Variants in CA10 observed in about 807,000 individuals in gnomAD.
The protein encoded by CA10 is carbonic anhydrase-related protein 10.
CA10 carries 14 observed loss-of-function variants against 44.2 expected under a neutral mutation model. The observed-to-expected ratio is 0.32, with a 90% CI of 0.21 to 0.50. The LOEUF is 0.50. CA10 is among the 20% of genes least tolerant of loss of function. CA10 has a pLI of 0.99. For missense variants in CA10, 350 were observed against 409.7 expected (o/e 0.85, Z 1.26); for synonymous variants, 159 against 141.6 (o/e 1.12, Z -0.87).
At chr17:52,135,525 T>G (rs1179785655) in intron 1 of CA10, among the ~76,000 whole-genome samples, 1 of 152,114 alleles carries the variant, frequency 6.6e-6, no homozygotes, top group Non-Finnish European at 1.5e-5. Context: ...TATTCATGAC[T>G]CCTCCTATAG....
intron 1 of CA10, among the ~76,000 whole-genome samples, chr17:52,142,951 T>G (rs925681989): frequency 6.6e-6 from 1 of 152,340 alleles, no homozygotes; most frequent in Non-Finnish European, 1.5e-5. Context: ...TAAACATATT[T>G]CTGCATTTTA....
intron 2 of CA10, among the ~76,000 whole-genome samples, chr17:51,956,413 T>G (rs1598138514): frequency 6.6e-6 from 1 of 152,242 alleles, no homozygotes; most frequent in African/African-American, 2.4e-5. Flanking sequence ...GCTGTACATA[T>G]TTTGATTTTC....
intron 2 of CA10, among the ~76,000 whole-genome samples, chr17:51,936,811 A>T (rs2144007348): frequency 6.6e-6 from 1 of 152,302 alleles, no homozygotes; most frequent in East Asian, 1.9e-4. Context: ...TCCTTGAAGT[A>T]GTTTGAATGG....
chr17:51,833,173 A>G (rs946922617), intron 3 of CA10, among the ~76,000 whole-genome samples: 12 of 152,138 alleles, frequency 7.9e-5, no homozygotes, highest in African/African-American at 2.9e-4. Flanking sequence ...GAAGTCCTCC[A>G]GGTATCCAGG....
chr17:51,995,340 C>T (rs138622233), intron 2 of CA10, among the ~76,000 whole-genome samples: 24 of 151,960 alleles, frequency 1.6e-4, no homozygotes, highest in African/African-American at 4.1e-4. Context: ...TTGTGCTTCA[C>T]GTACTACAAA....
chr17:52,043,268 GC>G lies in CA10; in HGVS notation c.136+29050del, dbSNP rs1986821332. 1.3e-5 allele frequency among the ~76,000 whole-genome samples: 2 copies of G among 152,118 alleles called. 1 individual carries two copies. The highest frequency in any genetic ancestry group is 3.9e-4 in the East Asian group (2 of 5,140). ...TTCTTCCATCAGCATCTCACAGTTTGCACTATAGATCTTTTATCTCCTTAGT... is the reference window on the plus strand; with the variant it reads ...TTCTTCCATCAGCATCTCACAGTTTGACTATAGATCTTTTATCTCCTTAGT... On this transcript the variant is annotated intron_variant, in intron 2 of 8. Transcript: ENST00000451037.
chr17:51,809,739 C>G (rs1907282324), intron 3 of CA10, among the ~76,000 whole-genome samples: 1 of 152,150 alleles, frequency 6.6e-6, no homozygotes, highest in South Asian at 2.1e-4. Flanking sequence ...ATATTAACAG[C>G]AGGCAGGTGA....
intron 4 of CA10, among the ~76,000 whole-genome samples, chr17:51,740,327 G>A (rs1328863000): frequency 6.6e-6 from 1 of 152,088 alleles, no homozygotes; most frequent in East Asian, 1.9e-4. Flanking sequence ...AGGCACTATG[G>A]CCTATCAGTC....
chr17:52,026,589 G>C (rs1986308155), intron 2 of CA10, among the ~76,000 whole-genome samples: 1 of 152,076 alleles, frequency 6.6e-6, no homozygotes, highest in Admixed American at 6.6e-5. Flanking sequence ...AGCATGGCTG[G>C]GGAGGCCTCA....
At chr17:51,996,836 T>C (rs1985254084) in intron 2 of CA10, among the ~76,000 whole-genome samples, 1 of 151,904 alleles carries the variant, frequency 6.6e-6, no homozygotes, top group African/African-American at 2.4e-5. Context: ...ACCTTGTAAA[T>C]AACAGCTGAG....
chr17:51,983,518 G>A (rs1325450819), intron 2 of CA10, among the ~76,000 whole-genome samples: 1 of 151,490 alleles, frequency 6.6e-6, no homozygotes, highest in African/African-American at 2.4e-5. Context: ...AGAATGGATG[G>A]CAGGTCTTAT....
intron 3 of CA10, among the ~76,000 whole-genome samples, chr17:51,829,757 A>G (rs912140181): frequency 5.9e-5 from 9 of 152,204 alleles, no homozygotes; most frequent in Admixed American, 4.6e-4. Flanking sequence ...TGTTTGCTCA[A>G]TCAAGGACTC....
chr17:51,636,761 A>G (rs1411489794), intron 6 of CA10, among the ~76,000 whole-genome samples: 1 of 143,716 alleles, frequency 7.0e-6, no homozygotes, highest in Non-Finnish European at 1.5e-5. Flanking sequence ...GGTTAAGCTC[A>G]ACAACTGATT....
chr17:52,082,301 A>T (rs1424485947), intron 1 of CA10, among the ~76,000 whole-genome samples: 4 of 152,226 alleles, frequency 2.6e-5, no homozygotes, highest in Non-Finnish European at 5.9e-5. Flanking sequence ...GAATTCAAAG[A>T]AGAGTGTAAC....
intron 3 of CA10, among the ~76,000 whole-genome samples, chr17:51,830,211 A>AG (rs1204444266): frequency 2.2e-3 from 290 of 134,238 alleles, no homozygotes; most frequent in Middle Eastern, 4.0e-3. Flanking sequence ...AAAAAAAAAA[A>AG]AAAAAGAAAA....
intron 4 of CA10, among the ~76,000 whole-genome samples, chr17:51,700,891 G>A (rs558859035): frequency 1.5e-3 from 222 of 152,198 alleles, no homozygotes; most frequent in African/African-American, 5.2e-3. Flanking sequence ...CACAGGGAGG[G>A]AAACCACACA....
intron 1 of CA10, among the ~76,000 whole-genome samples, chr17:52,154,878 C>T (rs1009478107): frequency 1.3e-5 from 2 of 152,160 alleles, no homozygotes; most frequent in African/African-American, 4.8e-5. Flanking sequence ...AGTGCAGAAC[C>T]ACCAAATATG....
In CA10 at chr17:52,105,906, G is replaced by T. The variant is rs1248420415; in HGVS notation, c.62-33513C>A. The stretch of plus-strand genomic sequence containing the variant: ...AGTCATGAGGATTCAATGAAATATT[G>T]CATGAAAAGTGTTTAGTAGAGCCCT... On this transcript the variant is annotated intron_variant, in intron 1 of 8. Transcript: ENST00000451037. 3.9e-5 allele frequency among the ~76,000 whole-genome samples: 6 copies of T among 152,174 alleles called. No individual in the cohort carries two copies. In the South Asian group the frequency reaches 1.0e-3, roughly 26 times the overall value.
At chr17:51,821,445 A>T (rs767859019) in intron 3 of CA10, among the ~76,000 whole-genome samples, 1 of 151,886 alleles carries the variant, frequency 6.6e-6, no homozygotes, top group Non-Finnish European at 1.5e-5. Context: ...CTTTACTCTC[A>T]AATACATCAT....
Sources: gnomAD v4.1 joint callset for allele counts (sites outside exome capture counted in the v4.1 genomes callset) on GRCh38, gnomAD v4.1.1 for gene constraint, MANE v1.5 for transcripts, NCBI Gene and HGNC (gene_info 2026-07-23, HGNC 2026-07-21) for gene names.